SLC35F3: variants seen among roughly 807,000 people sequenced by gnomAD.
SLC35F3 encodes putative thiamine transporter SLC35F3.
A neutral mutation model predicts 49.9 loss-of-function variants in SLC35F3; 25 were observed. That is an observed-to-expected ratio of 0.50 (90% CI 0.37 to 0.70). SLC35F3 has a LOEUF of 0.70. Among genes scored for constraint, SLC35F3 ranks in the 30% least tolerant of loss-of-function variants. SLC35F3 has a pLI of 0.00. For missense variants in SLC35F3, 525 were observed against 639.8 expected (o/e 0.82, Z 1.94); for synonymous variants, 275 against 265.4 (o/e 1.04, Z -0.35).
intron 2 of SLC35F3, among the ~76,000 whole-genome samples, chr1:234,129,811 C>T (rs188470340): frequency 3.9e-5 from 6 of 152,132 alleles, no homozygotes; most frequent in South Asian, 2.1e-4. Flanking sequence ...CAATGCAATA[C>T]GGAAAGAATG....
At chr1:234,013,221 G>A (rs899671880) in intron 2 of SLC35F3, among the ~76,000 whole-genome samples, 6 of 152,054 alleles carry the variant, frequency 3.9e-5, no homozygotes, top group African/African-American at 9.7e-5. Context: ...TAAACAACAT[G>A]CTCGTGAACA....
Position 234,257,922 on chromosome 1 carries a change from G to T in SLC35F3, c.608+26181G>T, listed in dbSNP as rs56879641. On this transcript the variant is annotated intron_variant, in intron 3 of 7. Transcript: ENST00000366618. Reference sequence around the variant, plus strand: ...TTACCTATTTAAGTATAAATGTCCAGTGTAGGTTGGACCTGTGGCTTGTCT... The same window carrying T: ...TTACCTATTTAAGTATAAATGTCCATTGTAGGTTGGACCTGTGGCTTGTCT... Among the ~76,000 whole-genome samples the T allele has an allele frequency of 4.8e-3, 731 of 152,342 alleles. 7 individuals carry two copies. The highest frequency in any genetic ancestry group is 0.017 in the African/African-American group (697 of 41,568).
At chr1:233,940,126 G>A (rs1449588679) in intron 2 of SLC35F3, among the ~76,000 whole-genome samples, 2 of 152,040 alleles carry the variant, frequency 1.3e-5, no homozygotes, top group Admixed American at 1.3e-4. Flanking sequence ...GCTAGAATGG[G>A]ATCATAATCT....
At chr1:233,984,130 G>A (rs983425659) in intron 2 of SLC35F3, among the ~76,000 whole-genome samples, 1 of 152,126 alleles carries the variant, frequency 6.6e-6, no homozygotes, top group Non-Finnish European at 1.5e-5. Flanking sequence ...TCCCAGGAAG[G>A]TATTTTCTTC....
intron 2 of SLC35F3, among the ~76,000 whole-genome samples, chr1:234,007,975 G>A (rs1166327083): frequency 1.3e-5 from 2 of 152,130 alleles, no homozygotes; most frequent in African/African-American, 4.8e-5. Context: ...ATAGATGAAT[G>A]CATTTAAGGA....
chr1:234,063,906 A>G (rs992065257), intron 2 of SLC35F3, among the ~76,000 whole-genome samples: 6 of 152,286 alleles, frequency 3.9e-5, no homozygotes, highest in African/African-American at 1.4e-4. Flanking sequence ...AGACCTGCCA[A>G]TGGCCGCTTC....
At chr1:234,268,207 C>T (rs533737083) in intron 3 of SLC35F3, among the ~76,000 whole-genome samples, 2 of 152,322 alleles carry the variant, frequency 1.3e-5, no homozygotes, top group African/African-American at 4.8e-5. Flanking sequence ...AATCCCGGCA[C>T]CTCGGGAGGC....
At chr1:234,023,975 C>G (rs1445220535) in intron 2 of SLC35F3, among the ~76,000 whole-genome samples, 2 of 151,944 alleles carry the variant, frequency 1.3e-5, no homozygotes, top group African/African-American at 4.8e-5. Context: ...AAATGTAATA[C>G]CATATCCTGG....
chr1:233,976,599 T>C (rs2102819852), intron 2 of SLC35F3, among the ~76,000 whole-genome samples: 1 of 152,332 alleles, frequency 6.6e-6, no homozygotes, highest in East Asian at 1.9e-4. Context: ...AATTTCATAG[T>C]ATGGTTGGTA....
chr1:234,059,369 A>T (rs997376652), intron 2 of SLC35F3, among the ~76,000 whole-genome samples: 2 of 145,362 alleles, frequency 1.4e-5, no homozygotes, highest in African/African-American at 5.1e-5. Flanking sequence ...TTTTTTTGTA[A>T]GTGTGTCTTC....
At chr1:233,946,060 C>A (rs1175207949) in intron 2 of SLC35F3, among the ~76,000 whole-genome samples, 3 of 152,302 alleles carry the variant, frequency 2.0e-5, no homozygotes, top group Admixed American at 2.0e-4. Flanking sequence ...ATATTTGATT[C>A]TTTCCCAGTA....
intron 2 of SLC35F3, chr1:234,213,733 T>A (rs541781243): frequency 3.9e-5 from 6 of 152,222 alleles, no homozygotes; most frequent in Non-Finnish European, 8.8e-5. Flanking sequence ...ATCTCCAGAC[T>A]GAGGCGGTGG....
chr1:234,109,514 C>T (rs1356166925), intron 2 of SLC35F3, among the ~76,000 whole-genome samples: 1 of 152,208 alleles, frequency 6.6e-6, no homozygotes, highest in African/African-American at 2.4e-5. Context: ...CTTTCCATCT[C>T]ATCACTGTTT....
At chr1:234,052,399 T>G (rs1664391033) in intron 2 of SLC35F3, among the ~76,000 whole-genome samples, 1 of 152,236 alleles carries the variant, frequency 6.6e-6, no homozygotes, top group African/African-American at 2.4e-5. Context: ...TATCCATTTC[T>G]TCTAGATTTT....
intron 2 of SLC35F3, among the ~76,000 whole-genome samples, chr1:234,092,149 T>C (rs1425001862): frequency 6.6e-6 from 1 of 152,180 alleles, no homozygotes; most frequent in Non-Finnish European, 1.5e-5. Context: ...CAGAGGGAAG[T>C]TTCTCCTGGA....
At chr1:234,144,036 C>T (rs1272098261) in intron 2 of SLC35F3, among the ~76,000 whole-genome samples, 2 of 152,124 alleles carry the variant, frequency 1.3e-5, no homozygotes, top group East Asian at 1.9e-4. Flanking sequence ...CCACTGCCTG[C>T]CACTGCGCAG....
intron 2 of SLC35F3, among the ~76,000 whole-genome samples, chr1:234,009,844 TA>T (rs1337557490): frequency 1.3e-5 from 2 of 152,172 alleles, no homozygotes; most frequent in Non-Finnish European, 2.9e-5. Flanking sequence ...AGTGGGATGT[TA>T]TACTCAAAGT....
chr1:234,242,554 T>C (rs948272576), intron 3 of SLC35F3, among the ~76,000 whole-genome samples: 1 of 152,232 alleles, frequency 6.6e-6, no homozygotes, highest in Non-Finnish European at 1.5e-5. Flanking sequence ...AAAAATCCAA[T>C]TGGCCAGAGG....
intron 2 of SLC35F3, among the ~76,000 whole-genome samples, chr1:234,051,999 C>T (rs968833844): frequency 1.3e-5 from 2 of 152,140 alleles, no homozygotes; most frequent in African/African-American, 2.4e-5. Context: ...CCAACTTGAT[C>T]GTGGTGGATA....
Sources: gnomAD v4.1 joint callset for allele counts (sites outside exome capture counted in the v4.1 genomes callset) on GRCh38, gnomAD v4.1.1 for gene constraint, MANE v1.5 for transcripts, NCBI Gene and HGNC (gene_info 2026-07-23, HGNC 2026-07-21) for gene names.